Variants in FBXO17 observed in about 807,000 individuals in gnomAD.
The protein encoded by FBXO17 is F-box only protein 17.
In FBXO17, 43 loss-of-function variants were observed where a neutral mutation model predicts 34.1. The observed-to-expected ratio is 1.26, with a 90% CI of 0.99 to 1.62. The LOEUF is 1.62. Among genes scored for constraint, FBXO17 ranks in the 40% most tolerant of loss-of-function variants. FBXO17 has a pLI of 0.00. For synonymous variants in FBXO17, 169 were observed against 166.0 expected, an observed-to-expected ratio of 1.02 and a Z score of -0.14; for missense variants, 424 against 386.7, an observed-to-expected ratio of 1.10 and a Z score of -0.81.
intron 1 of FBXO17, among the ~76,000 whole-genome samples, chr19:38,965,508 A>C (rs1975308404): frequency 6.7e-6 from 1 of 148,972 alleles, no homozygotes; most frequent in Non-Finnish European, 1.5e-5. Flanking sequence ...TAGTATTTTT[A>C]TTTTTATTTA....
rs924426767 is a variant in FBXO17 at position 38,975,170 on chromosome 19, G to A, written c.-18+416C>T. 2.6e-5 allele frequency among the ~76,000 whole-genome samples: 4 copies of A among 152,168 alleles called. No individual in the cohort carries two copies. The highest frequency in any genetic ancestry group is 2.1e-4 in the South Asian group (1 of 4,834). On this transcript the variant is annotated intron_variant, in intron 1 of 5. Transcript: ENST00000292852. The surrounding 1 kb of genome is among the most constrained non-coding windows in gnomAD (Gnocchi z 4.9). Reference sequence around the variant, plus strand: ...AAGGCTTCTGATTCACAGATTCTGCGAAGGGACTGACGGCCAGAAGACAGA... The same window carrying A: ...AAGGCTTCTGATTCACAGATTCTGCAAAGGGACTGACGGCCAGAAGACAGA...
chr19:38,966,888 A>C (rs1204191382), intron 1 of FBXO17, among the ~76,000 whole-genome samples: 1 of 152,232 alleles, frequency 6.6e-6, no homozygotes, highest in Non-Finnish European at 1.5e-5. Flanking sequence ...CTATTACCTC[A>C]TACCAGAATC....
intron 2 of FBXO17, 101 bp downstream of exon 2, chr19:38,949,870 T>C: frequency 7.5e-7 from 1 of 1,330,608 alleles, no homozygotes; most frequent in Non-Finnish European, 9.8e-7. Flanking sequence ...CCTCCAGCGG[T>C]CTCGCCCATT....
chr19:38,959,599 G>A (rs1393327781), intron 1 of FBXO17, among the ~76,000 whole-genome samples: 1 of 151,302 alleles, frequency 6.6e-6, no homozygotes, highest in Non-Finnish European at 1.5e-5. Flanking sequence ...TAAAAGGTTT[G>A]CTAAAAATGA....
chr19:38,960,809 CTT>C (rs60174151), intron 1 of FBXO17, among the ~76,000 whole-genome samples: 247 of 139,272 alleles, frequency 1.8e-3, no homozygotes, highest in African/African-American at 2.8e-3. Context: ...CACCCGGCCA[CTT>C]TTTTTTTTTT....
At position 38,946,367 on chromosome 19, in the gene FBXO17, G is replaced by A. The variant is rs1974982922; in HGVS notation, c.557+105C>T. The A allele has an allele frequency of 2.6e-6, 4 of 1,540,572 alleles. No individual in the cohort carries two copies. In the East Asian group the frequency reaches 9.1e-5, roughly 35 times the overall value. On this transcript the variant is annotated intron_variant, in intron 4 of 5. Coordinates refer to ENST00000292852, the MANE Select transcript of FBXO17 (RefSeq NM_024907.7). ...AGCCTCATCACAAAGGGTGCACAGT[G>A]ACAGCCGCTACCCGTGGGGTTGATG...
chr19:38,956,924 A>G (rs1038277216), intron 1 of FBXO17, among the ~76,000 whole-genome samples: 1 of 152,154 alleles, frequency 6.6e-6, no homozygotes, highest in Non-Finnish European at 1.5e-5. Flanking sequence ...TGTCATAATA[A>G]TGGCAACTAA....
intron 1 of FBXO17, among the ~76,000 whole-genome samples, chr19:38,968,776 A>G (rs1035783328): frequency 6.6e-5 from 10 of 152,206 alleles, no homozygotes; most frequent in Non-Finnish European, 1.5e-4. Flanking sequence ...AATATGCTAC[A>G]TGAAAGAGGC....
At chr19:38,942,997 G>A (rs1295058403) in intron 5 of FBXO17, among the ~76,000 whole-genome samples, 1 of 152,222 alleles carries the variant, frequency 6.6e-6, no homozygotes, top group Non-Finnish European at 1.5e-5. Flanking sequence ...TGGCAGGAAT[G>A]TGAGTAGAGT....
intron 5 of FBXO17, among the ~76,000 whole-genome samples, chr19:38,943,740 A>G (rs901404266): frequency 6.6e-6 from 1 of 151,974 alleles, no homozygotes; most frequent in African/African-American, 2.4e-5. Flanking sequence ...ACAGACGCCC[A>G]TCACCGTGCC....
At chr19:38,953,616 GCAC>G (rs1975119199) in intron 1 of FBXO17, among the ~76,000 whole-genome samples, 1 of 150,046 alleles carries the variant, frequency 6.7e-6, no homozygotes, top group Non-Finnish European at 1.5e-5. Flanking sequence ...AGCTGAGATC[GCAC>G]CACTGCACTC....
At chr19:38,954,726 C>G (rs1387764785) in intron 1 of FBXO17, among the ~76,000 whole-genome samples, 1 of 138,768 alleles carries the variant, frequency 7.2e-6, no homozygotes. Context: ...ATTATAGGCG[C>G]CCGCCACCAC....
rs1364386763 is a variant in FBXO17 at position 38,941,785 on chromosome 19, G to C, written c.*823C>G. Reference sequence around the variant, plus strand: ...ACAGTGCTGCAGATATTTTGTTTATGGCCAGTTTTGGGGCCAGTTTATGGC... The same window carrying C: ...ACAGTGCTGCAGATATTTTGTTTATCGCCAGTTTTGGGGCCAGTTTATGGC... On this transcript the variant is annotated 3_prime_UTR_variant, in exon 6 of 6. Coordinates refer to ENST00000292852, the MANE Select transcript of FBXO17 (RefSeq NM_024907.7). The C allele has an allele frequency of 2.0e-5, 3 of 152,080 alleles. No homozygotes were observed. Among genetic ancestry groups the C allele is most frequent in the African/African-American group, 7.2e-5 (3 of 41,410 alleles). The allele number at this position is 152,080 out of a possible 1,614,324, so 9.4% of individuals were successfully genotyped here.
intron 1 of FBXO17, among the ~76,000 whole-genome samples, chr19:38,957,033 C>T (rs1413756289): frequency 1.3e-5 from 2 of 151,916 alleles, no homozygotes; most frequent in South Asian, 4.1e-4. Context: ...TTATTCCTAC[C>T]GCAGAAAGAA....
chr19:38,964,783 GA>G (rs912854245), intron 1 of FBXO17, among the ~76,000 whole-genome samples: 9 of 151,140 alleles, frequency 6.0e-5, no homozygotes, highest in Admixed American at 1.3e-4. Context: ...AAAAAGAAAA[GA>G]AAAAAAAATT....
At chr19:38,947,280 G>A (rs1039426233) in intron 3 of FBXO17, 2 of 152,212 alleles carry the variant, frequency 1.3e-5, no homozygotes, top group African/African-American at 4.8e-5. Flanking sequence ...TTGAGCAATG[G>A]AATAGAACAA....
At chr19:38,958,330 C>T (rs576387620) in intron 1 of FBXO17, among the ~76,000 whole-genome samples, 1 of 145,238 alleles carries the variant, frequency 6.9e-6, no homozygotes, top group South Asian at 2.2e-4. Context: ...ATCCCTTGAA[C>T]CCAGGAGGTG....
chr19:38,954,856 C>T (rs1975140182), intron 1 of FBXO17, among the ~76,000 whole-genome samples: 1 of 150,486 alleles, frequency 6.6e-6, no homozygotes, highest in African/African-American at 2.4e-5. Flanking sequence ...TTGGGATTAA[C>T]AGGCGTGAGC....
chr19:38,956,714 T>C (rs1975171991), intron 1 of FBXO17, among the ~76,000 whole-genome samples: 2 of 151,978 alleles, frequency 1.3e-5, no homozygotes, highest in African/African-American at 2.4e-5. Flanking sequence ...AACCTGTCTC[T>C]ACTAAAAATA....
Sources: gnomAD v4.1 joint callset for allele counts (sites outside exome capture counted in the v4.1 genomes callset) on GRCh38, gnomAD v4.1.1 for gene constraint, Gnocchi (gnomAD v3.1) non-coding constraint, MANE v1.5 for transcripts, NCBI Gene and HGNC (gene_info 2026-07-23, HGNC 2026-07-21) for gene names.